The following HERC1 variants were observed in gnomAD, a reference collection of about 807,000 sequenced individuals.
HERC1 encodes the protein HECT and RLD domain containing E3 ubiquitin protein ligase family member 1, also known as probable E3 ubiquitin-protein ligase HERC1.
HERC1 carries 160 observed loss-of-function variants against 554.3 expected under a neutral mutation model. The ratio of observed to expected loss-of-function variants is 0.29; its 90% confidence interval spans 0.25 to 0.33. The LOEUF is 0.33. Ranked by LOEUF, HERC1 falls within the 10% of genes least tolerant of loss-of-function variation. The pLI is 1.00. For missense variants in HERC1, 4,919 were observed against 5,918.5 expected (o/e 0.83, Z 5.54); for synonymous variants, 2,175 against 2,131.7 (o/e 1.02, Z -0.56).
At chr15:63,748,194 C>T (rs1273027899) in intron 10 of HERC1, among the ~76,000 whole-genome samples, 1 of 152,074 alleles carries the variant, frequency 6.6e-6, no homozygotes, top group African/African-American at 2.4e-5. Context: ...TCACTGCACT[C>T]CAGCCTGGGC....
intron 42 of HERC1, among the ~76,000 whole-genome samples, chr15:63,665,187 T>A (rs911370481): frequency 1.3e-5 from 2 of 152,158 alleles, no homozygotes; most frequent in Non-Finnish European, 2.9e-5. Flanking sequence ...CTACTAGATA[T>A]TAAAAACTAT....
At position 63,692,669 on chromosome 15, in the gene HERC1, A is replaced by C; in HGVS notation, c.5675-103T>G. ...ACTGCAGTAAGCACAAATCTAATGC[A>C]AAATCTTAGGCTGTCAGCTACTGAA... On this transcript the variant is annotated intron_variant, in intron 30 of 77. Transcript: ENST00000443617. This position sits in a 1 kb window ranked among gnomAD's most constrained non-coding sequence, Gnocchi z 4.7. 1 of 993,606 alleles carries C rather than the reference A, an allele frequency of 1.0e-6. No individual in the cohort carries two copies. The highest frequency in any genetic ancestry group is 2.7e-5 in the East Asian group (1 of 37,162). The allele number at this position is 993,606 out of a possible 1,614,324, so 61.5% of individuals were successfully genotyped here. A position where few individuals can be genotyped will look rare whatever the true frequency, so the allele number is the denominator to read the frequency against.
chr15:63,694,139 C>CAA lies in HERC1; in HGVS notation c.5498_5499insTT (p.Ser1834Ter). ...ACAAGGATTGAACTACTTTGGGACT[C>CAA]AGTTTATCAGCATAGGTCCTATGTG... On this transcript the variant is annotated frameshift_variant, in exon 30 of 78. Coordinates refer to ENST00000443617, the MANE Select transcript of HERC1 (RefSeq NM_003922.4). LOFTEE classifies it high-confidence loss of function. The surrounding 1 kb of genome is among the most constrained non-coding windows in gnomAD (Gnocchi z 4.3). 6.2e-7 allele frequency: 1 copy of CAA among 1,605,744 alleles called. No individual in the cohort carries two copies. The highest frequency in any genetic ancestry group is 8.5e-7 in the Non-Finnish European group (1 of 1,176,052).
chr15:63,693,945 AG>A lies in HERC1; in HGVS notation c.5674+18del. 1 of 1,545,318 alleles carries A rather than the reference AG, an allele frequency of 6.5e-7. No homozygotes were observed. On this transcript the variant is annotated intron_variant, in intron 30 of 77. Transcript: ENST00000443617. ...AATAAATGCTTGTAAGTAAAGACAG[AG>A]AAAGAGGCTTACATTACCTCTGAAA...
intron 1 of HERC1, among the ~76,000 whole-genome samples, chr15:63,819,491 T>G (rs928465418): frequency 1.3e-5 from 2 of 152,220 alleles, no homozygotes; most frequent in Admixed American, 1.3e-4. Flanking sequence ...TTTCAAGGTC[T>G]ACCAAGAAAA....
At chr15:63,829,791 A>G (rs1032088381) in intron 1 of HERC1, among the ~76,000 whole-genome samples, 2 of 151,838 alleles carry the variant, frequency 1.3e-5, no homozygotes, top group East Asian at 3.9e-4. Context: ...CTGTGGCCCC[A>G]GAATATAAGA....
At chr15:63,668,335 T>A (rs7176089) in intron 40 of HERC1, among the ~76,000 whole-genome samples, 25,857 of 151,834 alleles carry the variant, frequency 0.17, 2,420 homozygotes, top group Middle Eastern at 0.22. Flanking sequence ...CTACAAAAAA[T>A]TACAGAAATT....
In HERC1 at chr15:63,832,826, T is replaced by TA. The variant is rs573178935; in HGVS notation, c.-27+1000dup. ...AGAATGAGGAAGTCCCAAGCAAGGA[T>TA]AAAAAAAAATGTGTCTGTTAGGAAA... On this transcript the variant is annotated intron_variant, in intron 1 of 77. Transcript: ENST00000443617. 6.6e-4 allele frequency among the ~76,000 whole-genome samples: 100 copies of TA among 151,124 alleles called. 1 individual carries two copies. Among genetic ancestry groups the TA allele is most frequent in the Middle Eastern group, 3.4e-3 (1 of 294 alleles).
chr15:63,622,724 A>G (rs1334986143), intron 74 of HERC1, 91 bp downstream of exon 74: 2 of 958,482 alleles, frequency 2.1e-6, no homozygotes, highest in Non-Finnish European at 3.1e-6. Context: ...TAAAGCACTT[A>G]AAACAGGACC....
At chr15:63,821,379 C>G (rs920263095) in intron 1 of HERC1, among the ~76,000 whole-genome samples, 2 of 151,614 alleles carry the variant, frequency 1.3e-5, no homozygotes, top group Non-Finnish European at 2.9e-5. Flanking sequence ...ATAGCAAAAC[C>G]CCATCTCTAC....
chr15:63,683,041 C>T (rs115728354), intron 34 of HERC1, among the ~76,000 whole-genome samples: 11 of 146,288 alleles, frequency 7.5e-5, no homozygotes, highest in Admixed American at 2.8e-4. Context: ...GAGGCTGAGG[C>T]GGGAGAATCC....
chr15:63,747,545 G>A (rs996657056), intron 11 of HERC1, among the ~76,000 whole-genome samples, 179 bp downstream of exon 11: 1 of 152,064 alleles, frequency 6.6e-6, no homozygotes, highest in Admixed American at 6.6e-5. Flanking sequence ...TTTCCTAGAA[G>A]TTATTATCAA....
In HERC1 at chr15:63,829,539, A is replaced by ATGTGTG. The variant is rs59909117; in HGVS notation, c.-27+4287_-27+4288insCACACA. 1.7e-4 allele frequency among the ~76,000 whole-genome samples: 11 copies of ATGTGTG among 64,648 alleles called. 1 individual carries two copies. The highest frequency in any genetic ancestry group is 1.6e-3 in the Admixed American group (8 of 5,062). 42.4% of individuals were successfully genotyped at this position (64,648 alleles called of 152,430 possible). A position where few individuals can be genotyped will look rare whatever the true frequency, so the allele number is the denominator to read the frequency against. ...ATATAAATAATATGTGTGCACATAT[A>ATGTGTG]TGTATGTGTGTGTGTGTGTGTGTAT... On this transcript the variant is annotated intron_variant, in intron 1 of 77. Transcript: ENST00000443617.
At chr15:63,707,928 C>CAAAAAAAAAAAAAAAA (rs71131176) in intron 24 of HERC1, among the ~76,000 whole-genome samples, 2 of 55,160 alleles carry the variant, frequency 3.6e-5, no homozygotes, top group African/African-American at 1.3e-4. Flanking sequence ...GACTCCCTCT[C>CAAAAAAAAAAAAAAAA]AAAAAAAAAA....
chr15:63,675,999 G>A (rs2071183538), intron 37 of HERC1, among the ~76,000 whole-genome samples: 1 of 151,118 alleles, frequency 6.6e-6, no homozygotes, highest in African/African-American at 2.4e-5. Flanking sequence ...TGACTACTGA[G>A]TTCAAGAGAT....
chr15:63,670,938 A>C (rs2070879037), intron 39 of HERC1, among the ~76,000 whole-genome samples: 2 of 152,094 alleles, frequency 1.3e-5, no homozygotes, highest in African/African-American at 4.8e-5. Context: ...GCGGTGGCTC[A>C]CATCTGTAAT....
At chr15:63,623,545 C>T (rs951805520) in intron 73 of HERC1, among the ~76,000 whole-genome samples, 180 bp downstream of exon 73, 36 of 152,186 alleles carry the variant, frequency 2.4e-4, no homozygotes, top group Non-Finnish European at 1.3e-4. Flanking sequence ...CTTGACAAAG[C>T]GTTTCAAAAG....
chr15:63,744,164 G>GTGTC lies in HERC1; in HGVS notation c.2520+2753_2520+2754insGACA. ...TGTGTGTGTGTGTGTGTGTGTGTGT[G>GTGTC]TCTCTCTCTCTCTCTCTCTCTCTCT... On this transcript the variant is annotated intron_variant, in intron 12 of 77. Coordinates refer to ENST00000443617, the MANE Select transcript of HERC1 (RefSeq NM_003922.4). Among the ~76,000 whole-genome samples, 169 of 46,200 alleles carry GTGTC rather than the reference G, an allele frequency of 3.7e-3. 1 individual carries two copies. The highest frequency in any genetic ancestry group is 0.012 in the Middle Eastern group (1 of 84). The allele number at this position is 46,200 out of a possible 152,430, so 30.3% of individuals were successfully genotyped here.
rs557916032 is a variant in HERC1 at position 63,733,592 on chromosome 15, C to T, written c.2647-447G>A. ...TGTAGGCTGGGCGCAGTGGCTCACA[C>T]CTGTAATCACAGCACTTTGGGAGGC... is the stretch of plus-strand genomic sequence containing the variant. On this transcript the variant is annotated intron_variant, in intron 13 of 77. Coordinates refer to ENST00000443617, the MANE Select transcript of HERC1 (RefSeq NM_003922.4). Among the ~76,000 whole-genome samples, 184 of 152,332 alleles carry T rather than the reference C, an allele frequency of 1.2e-3. 1 individual carries two copies. The highest frequency in any genetic ancestry group is 4.4e-3 in the African/African-American group (181 of 41,576).
Sources: allele counts gnomAD v4.1 joint callset (sites outside exome capture counted in the v4.1 genomes callset), GRCh38; gene constraint gnomAD v4.1.1; non-coding constraint Gnocchi (gnomAD v3.1); transcripts MANE v1.5; gene names NCBI Gene and HGNC (gene_info 2026-07-23, HGNC 2026-07-21).